RALGAPA2: variants seen among roughly 807,000 people sequenced by gnomAD.
RALGAPA2 encodes the protein Ral GTPase activating protein catalytic subunit alpha 2.
RALGAPA2 carries 139 observed loss-of-function variants against 230.4 expected under a neutral mutation model. The ratio of observed to expected loss-of-function variants is 0.60; its 90% CI spans 0.53 to 0.69. RALGAPA2 has a LOEUF of 0.69. Among genes scored for constraint, RALGAPA2 ranks in the 30% least tolerant of loss-of-function variants. The pLI is 0.00. For missense variants in RALGAPA2, 2,163 were observed against 2,276.0 expected (o/e 0.95, Z 1.01); for synonymous variants, 847 against 837.8 (o/e 1.01, Z -0.19).
intron 36 of RALGAPA2, among the ~76,000 whole-genome samples, chr20:20,490,244 C>T (rs889044511): frequency 2.0e-5 from 3 of 152,204 alleles, no homozygotes; most frequent in Non-Finnish European, 4.4e-5. Flanking sequence ...GGGAATTCCT[C>T]TAATTAGAAG....
At chr20:20,591,093 T>C (rs761331557) in intron 17 of RALGAPA2, 84 bp downstream of exon 17, 1 of 1,420,740 alleles carries the variant, frequency 7.0e-7, no homozygotes, top group Non-Finnish European at 9.5e-7. Context: ...ATTCAGAATA[T>C]ATGTACAAAG....
intron 23 of RALGAPA2, among the ~76,000 whole-genome samples, chr20:20,562,796 C>T (rs1346718113): frequency 6.6e-6 from 1 of 152,070 alleles, no homozygotes; most frequent in Non-Finnish European, 1.5e-5. Flanking sequence ...TACAAGTGGG[C>T]TCTGTCTACA....
intron 4 of RALGAPA2, among the ~76,000 whole-genome samples, chr20:20,651,978 T>G (rs2067415049): frequency 6.6e-6 from 1 of 152,184 alleles, no homozygotes; most frequent in Non-Finnish European, 1.5e-5. Context: ...AAAGTCTCAA[T>G]TAAGCAGAAA....
chr20:20,556,920 G>A (rs1445215387), intron 23 of RALGAPA2, among the ~76,000 whole-genome samples: 2 of 152,140 alleles, frequency 1.3e-5, no homozygotes, highest in Admixed American at 6.5e-5. Context: ...AGGCTAAACT[G>A]AGCCAAGTGT....
At chr20:20,424,472 C>T (rs2060340449) in intron 37 of RALGAPA2, among the ~76,000 whole-genome samples, 1 of 152,302 alleles carries the variant, frequency 6.6e-6, no homozygotes, top group South Asian at 2.1e-4. Flanking sequence ...TTCTGCCATG[C>T]TGACGCCAAT....
chr20:20,606,551 T>A (rs1217042084), intron 14 of RALGAPA2, among the ~76,000 whole-genome samples: 1 of 152,148 alleles, frequency 6.6e-6, no homozygotes, highest in East Asian at 1.9e-4. Context: ...TCTTTCCTCC[T>A]TTTTGTTTCT....
At chr20:20,538,446 T>C (rs1429900715) in intron 24 of RALGAPA2, among the ~76,000 whole-genome samples, 1 of 152,108 alleles carries the variant, frequency 6.6e-6, no homozygotes, top group East Asian at 1.9e-4. Flanking sequence ...CCAAAGTATG[T>C]TCCACTAGGG....
In RALGAPA2 at chr20:20,389,575, C is replaced by G. The variant is rs141804379; in HGVS notation, c.*3714G>C. On this transcript the variant is annotated 3_prime_UTR_variant, in exon 40 of 40. Coordinates refer to ENST00000202677, the MANE Select transcript of RALGAPA2 (RefSeq NM_020343.4). The stretch of plus-strand genomic sequence containing the variant: ...CCTTTTTATTAGATGCCAGGGTGAA[C>G]TTTATTTTCTTATAAACTATAATGA... The G allele has an allele frequency of 7.2e-5, 11 of 152,322 alleles. No individual in the cohort carries two copies. Among genetic ancestry groups the G allele is most frequent in the African/African-American group, 1.2e-4 (5 of 41,564 alleles). 9.4% of individuals were successfully genotyped at this position (152,322 alleles called of 1,614,324 possible). A position where few individuals can be genotyped will look rare whatever the true frequency, so the allele number is the denominator to read the frequency against.
chr20:20,660,444 C>A (rs947669656), intron 3 of RALGAPA2, among the ~76,000 whole-genome samples: 2 of 151,988 alleles, frequency 1.3e-5, no homozygotes, highest in African/African-American at 2.4e-5. Context: ...CCTAAACATT[C>A]CTAGTTAACA....
chr20:20,448,873 G>GGA (rs1344934387), intron 37 of RALGAPA2, among the ~76,000 whole-genome samples: 1 of 124,558 alleles, frequency 8.0e-6, no homozygotes, highest in African/African-American at 3.0e-5. Flanking sequence ...AATGTATATT[G>GGA]AAAAAAAAAA....
At chr20:20,689,471 G>A (rs909797335) in intron 1 of RALGAPA2, among the ~76,000 whole-genome samples, 2 of 151,988 alleles carry the variant, frequency 1.3e-5, no homozygotes, top group Admixed American at 1.3e-4. Flanking sequence ...GTGAAACCCC[G>A]TCTCTACTAA....
intron 33 of RALGAPA2, among the ~76,000 whole-genome samples, chr20:20,510,398 G>A (rs905878537): frequency 2.6e-5 from 4 of 152,100 alleles, no homozygotes; most frequent in Admixed American, 6.6e-5. Flanking sequence ...GAGTTAATGA[G>A]TAGTAAGAAA....
At chr20:20,507,014 G>A (rs959602614) in intron 33 of RALGAPA2, among the ~76,000 whole-genome samples, 10 of 152,274 alleles carry the variant, frequency 6.6e-5, no homozygotes, top group East Asian at 3.9e-4. Flanking sequence ...GAACATAGCC[G>A]TTACACCATT....
chr20:20,589,885 A>G (rs973076293), intron 17 of RALGAPA2, among the ~76,000 whole-genome samples: 1 of 151,982 alleles, frequency 6.6e-6, no homozygotes, highest in Admixed American at 6.5e-5. Context: ...TAAATTTGAA[A>G]AAAAAAAAAA....
intron 16 of RALGAPA2, among the ~76,000 whole-genome samples, chr20:20,594,860 C>G (rs2065403269): frequency 6.6e-6 from 1 of 151,800 alleles, no homozygotes; most frequent in African/African-American, 2.4e-5. Context: ...TCCCAAGCAG[C>G]TGGGACTACA....
intron 4 of RALGAPA2, among the ~76,000 whole-genome samples, chr20:20,651,239 G>A (rs542785113): frequency 1.3e-5 from 2 of 152,270 alleles, no homozygotes; most frequent in Admixed American, 6.5e-5. Context: ...AAAGATCACT[G>A]TAGAAGCGAT....
At chr20:20,665,908 G>A (rs945593959) in intron 3 of RALGAPA2, among the ~76,000 whole-genome samples, 1 of 152,210 alleles carries the variant, frequency 6.6e-6, no homozygotes, top group South Asian at 2.1e-4. Context: ...TGAGACCAGT[G>A]AAAAAGGGTA....
intron 35 of RALGAPA2, among the ~76,000 whole-genome samples, chr20:20,496,034 T>C (rs1018605755): frequency 2.0e-5 from 3 of 152,004 alleles, no homozygotes; most frequent in Admixed American, 2.0e-4. Context: ...AGTGGCAGAG[T>C]GGGCCCGGGA....
chr20:20,532,950 A>T (rs1392170795), intron 26 of RALGAPA2, among the ~76,000 whole-genome samples: 1 of 152,090 alleles, frequency 6.6e-6, no homozygotes, highest in African/African-American at 2.4e-5. Context: ...TGCATGTTCA[A>T]ATACCTAGTA....
Sources: allele counts gnomAD v4.1 joint callset (sites outside exome capture counted in the v4.1 genomes callset), GRCh38; gene constraint gnomAD v4.1.1; transcripts MANE v1.5; gene names NCBI Gene and HGNC (gene_info 2026-07-23, HGNC 2026-07-21).